Variants in DNAH17 observed in about 807,000 individuals in gnomAD.
DNAH17 encodes the protein dynein axonemal heavy chain 17.
A neutral mutation model predicts 485.6 loss-of-function variants in DNAH17; 376 were observed. The ratio of observed to expected loss-of-function variants is 0.77; its 90% CI spans 0.71 to 0.84. The LOEUF is 0.84. DNAH17 is among the 40% of genes least tolerant of loss of function. DNAH17 has a pLI of 0.00. For synonymous variants in DNAH17, 3,031 were observed against 2,405.9 expected (o/e 1.26, Z -7.60); for missense variants, 6,370 against 5,839.3 (o/e 1.09, Z -2.96).
At position 78,552,705 on chromosome 17, in the gene DNAH17, T is replaced by C. The variant is rs763825662; in HGVS notation, c.2279A>G (p.Asn760Ser). The C allele has an allele frequency of 2.0e-5, 32 of 1,613,544 alleles. No homozygotes were observed. Among genetic ancestry groups the C allele is most frequent in the Non-Finnish European group, 2.6e-5 (31 of 1,179,570 alleles). Residue 760 changes from asparagine to serine, a missense_variant, in exon 15 of 81, where the codon AAT becomes AGT. By Grantham distance (46) the Asn-to-Ser change is conservative. Transcript: ENST00000389840. The part of the protein sequence containing the change: ...LLSAETTLFW[N>S]GEGVFQYIQE... ...GAATGTGGCCTCCGTACCTTCGCCA[T>C]TCCAGAATAATGTCGTTTCAGCGCT...
Position 78,437,773 on chromosome 17 carries a change from G to C in DNAH17, c.11901C>G (p.Ser3967Arg). 2 of 1,612,550 alleles carry C rather than the reference G, an allele frequency of 1.2e-6. No individual in the cohort carries two copies. The highest frequency in any genetic ancestry group is 8.5e-7 in the Non-Finnish European group (1 of 1,179,754). ...TCTCGGGGCTGGGGGCAGGCTCCGC[G>C]CTGATGAACACCCGGTAGTCCTCAT... is the stretch of plus-strand genomic sequence containing the variant. ...GSHEDYRVFISAEPAPSPETH... is the reference protein window; with the variant it reads ...GSHEDYRVFIRAEPAPSPETH... Residue 3967 changes from serine (S) to arginine (R), a missense_variant, in exon 74 of 81, where the codon AGC (serine) becomes AGG (arginine). Ser to Arg is a moderately radical substitution (Grantham distance 110). Coordinates refer to ENST00000389840, the MANE Select transcript of DNAH17 (RefSeq NM_173628.4).
chr17:78,530,482 C>T lies in DNAH17; in HGVS notation c.3145G>A (p.Val1049Met), dbSNP rs761689096. ...IDSYEKLYEE[V>M]SKCENTKVFH... ...ACCTTGGTGTTCTCGCACTTGGACA[C>T]CTCCTCATACAGCTTCTCGTAGGAG... is the stretch of plus-strand genomic sequence containing the variant. The change falls in exon 21 of 81, where the codon GTG (valine) becomes ATG (methionine). Residue 1049 changes from valine to methionine, a missense_variant. Val to Met is a conservative substitution (Grantham distance 21, BLOSUM62 1). Transcript: ENST00000389840. 5 of 1,611,546 alleles carry T rather than the reference C, an allele frequency of 3.1e-6. No homozygotes were observed. The South Asian group carries it at 4.4e-5, about 14-fold the overall frequency.
At chr17:78,467,976 C>T (rs929750541) in intron 55 of DNAH17, among the ~76,000 whole-genome samples, 1 of 150,172 alleles carries the variant, frequency 6.7e-6, no homozygotes, top group East Asian at 2.0e-4. Flanking sequence ...TAAGATCACG[C>T]CATTGCACTC....
intron 54 of DNAH17, among the ~76,000 whole-genome samples, chr17:78,473,967 G>A (rs1332347193): frequency 6.6e-6 from 1 of 152,180 alleles, no homozygotes; most frequent in Non-Finnish European, 1.5e-5. Context: ...GTTCAGGAGT[G>A]CCCATCTGAG....
At position 78,444,814 on chromosome 17, in the gene DNAH17, C is replaced by T. The variant is rs753918156; in HGVS notation, c.11335-17G>A. ...CGAGAGGGCCTAGGGGCAGAGGCAG[C>T]GGGCCCTGTGACTCTTCCCACTTAC... On this transcript the variant is annotated splice_polypyrimidine_tract_variant and intron_variant, in intron 70 of 80. Coordinates refer to ENST00000389840, the MANE Select transcript of DNAH17 (RefSeq NM_173628.4). 23 of 1,545,142 alleles carry T rather than the reference C, an allele frequency of 1.5e-5. No homozygotes were observed. The highest frequency in any genetic ancestry group is 1.2e-4 in the Admixed American group (6 of 48,504).
At chr17:78,446,975 G>T (rs2087334945) in intron 69 of DNAH17, among the ~76,000 whole-genome samples, 2 of 151,926 alleles carry the variant, frequency 1.3e-5, no homozygotes, top group Middle Eastern at 3.2e-3. Context: ...GTGTTGCTCT[G>T]TTGCCCCGGC....
intron 56 of DNAH17, among the ~76,000 whole-genome samples, chr17:78,464,611 T>C (rs2088321375): frequency 6.6e-6 from 1 of 152,226 alleles, no homozygotes; most frequent in South Asian, 2.1e-4. Flanking sequence ...GTCGGACCCG[T>C]CTTTCCTCTG....
intron 25 of DNAH17, among the ~76,000 whole-genome samples, chr17:78,518,437 A>C (rs1051642097): frequency 3.6e-4 from 55 of 152,250 alleles, no homozygotes; most frequent in Admixed American, 5.2e-4. Flanking sequence ...GGGTCAACCT[A>C]TAAGAAGACA....
intron 60 of DNAH17, among the ~76,000 whole-genome samples, chr17:78,459,425 C>T (rs940830157): frequency 3.3e-5 from 5 of 152,200 alleles, no homozygotes; most frequent in African/African-American, 9.7e-5. Context: ...AAGTCGGGCA[C>T]CAGGAGACTG....
intron 6 of DNAH17, 49 bp downstream of exon 6, chr17:78,570,899 A>G (rs1330389383): frequency 2.8e-6 from 3 of 1,075,756 alleles, no homozygotes; most frequent in Non-Finnish European, 4.0e-6. Flanking sequence ...AAGAAAAGAA[A>G]AGAAACAAGA....
Position 78,567,107 on chromosome 17 carries a change from C to T in DNAH17, c.1344G>A (p.Val448=), listed in dbSNP as rs545209569. The T allele has an allele frequency of 8.9e-5, 144 of 1,612,316 alleles. No individual in the cohort carries two copies. Among genetic ancestry groups the T allele is most frequent in the South Asian group, 7.4e-4 (67 of 90,638 alleles). The change falls in exon 10 of 81, where the codon GTG becomes GTA. Residue 448 remains valine (V), a synonymous_variant. Coordinates refer to ENST00000389840, the MANE Select transcript of DNAH17 (RefSeq NM_173628.4). ...LKLEKIELGG[V]RGNLLGSLVT... ...CCAGGCTCCCGAGGAGGTTCCCACG[C>T]ACGCCCCCAAGCTCGATTTTCTCCA...
chr17:78,494,272 A>G, intron 40 of DNAH17, 99 bp from the exon 41 acceptor site: 2 of 1,496,546 alleles, frequency 1.3e-6, no homozygotes, highest in Non-Finnish European at 1.8e-6. Context: ...GGGAGATGAT[A>G]AAGGCGCCCT....
intron 11 of DNAH17, among the ~76,000 whole-genome samples, chr17:78,564,456 C>A (rs2092226373): frequency 6.6e-6 from 1 of 152,140 alleles, no homozygotes; most frequent in Non-Finnish European, 1.5e-5. Flanking sequence ...GCCACAGAAG[C>A]CAGCTGCCCG....
At chr17:78,541,319 ATGGGTGGGTAGGG>A (rs2091578703) in intron 17 of DNAH17, among the ~76,000 whole-genome samples, 1 of 37,754 alleles carries the variant, frequency 2.6e-5, no homozygotes, top group Non-Finnish European at 5.0e-5. Context: ...GAGTGAGTGG[ATGGGTGGGTAGGG>A]TGGGTGGATG....
At chr17:78,465,677 G>A (rs1490279609) in intron 56 of DNAH17, among the ~76,000 whole-genome samples, 2 of 151,332 alleles carry the variant, frequency 1.3e-5, no homozygotes, top group East Asian at 3.9e-4. Context: ...TGAGAAGTGA[G>A]GAGACCCTCT....
chr17:78,494,729 T>C lies in DNAH17; in HGVS notation c.6134A>G (p.Gln2045Arg). Residue 2045 changes from glutamine to arginine, a missense_variant, in exon 40 of 81, where the codon CAG (glutamine) becomes CGG (arginine). Transcript: ENST00000389840. ...GTCTCTCAGCGCCCGCATGAGCACC[T>C]GGTCCTCTGCCCGGCTGGGGTCGCC... is the stretch of plus-strand genomic sequence containing the variant. ...KRGDPSRAED[Q>R]VLMRALRDFN... 1 of 1,613,816 alleles carries C rather than the reference T, an allele frequency of 6.2e-7. No individual in the cohort carries two copies. The highest frequency in any genetic ancestry group is 1.6e-4 in the Middle Eastern group (1 of 6,062).
At chr17:78,525,303 C>G in intron 24 of DNAH17, 142 bp from the exon 25 acceptor site, 2 of 1,281,660 alleles carry the variant, frequency 1.6e-6, no homozygotes, top group Admixed American at 2.6e-5. Context: ...CGGTGTCCCA[C>G]CTGGAGGGAG....
intron 23 of DNAH17, 56 bp downstream of exon 23, chr17:78,526,824 G>A: frequency 6.4e-7 from 1 of 1,558,660 alleles, no homozygotes; most frequent in Non-Finnish European, 8.7e-7. Flanking sequence ...GCAGGGCCCT[G>A]GGTGAGCCCC....
chr17:78,441,106 T>C lies in DNAH17; in HGVS notation c.11622A>G (p.Ser3874=). The change falls in exon 72 of 81, where the codon TCA becomes TCG. Residue 3874 remains serine (S), a synonymous_variant. Coordinates refer to ENST00000389840, the MANE Select transcript of DNAH17 (RefSeq NM_173628.4). ...CCCCCGGGGAGAGGATGAAGAAGAT[T>C]GACGTGGAGGGGCTGCTCTCCTCGT... ...KSYEESSPST[S]IFFILSPGVD... is the part of the protein sequence containing the mutation. 1.2e-6 allele frequency: 2 copies of C among 1,613,590 alleles called. No homozygotes were observed. The highest frequency in any genetic ancestry group is 1.7e-6 in the Non-Finnish European group (2 of 1,179,750).
Sources: gnomAD v4.1 joint callset for allele counts (sites outside exome capture counted in the v4.1 genomes callset) on GRCh38, gnomAD v4.1.1 for gene constraint, MANE v1.5 for transcripts, NCBI Gene and HGNC (gene_info 2026-07-23, HGNC 2026-07-21) for gene names.